PLXDC2: variants seen among roughly 807,000 people sequenced by gnomAD.
The protein encoded by PLXDC2 is plexin domain-containing protein 2.
In PLXDC2, 40 loss-of-function variants were observed where a neutral mutation model predicts 68.9. That is an observed-to-expected ratio of 0.58 (90% CI 0.45 to 0.76). The LOEUF (loss-of-function observed/expected upper bound fraction) is 0.76. PLXDC2 is among the 30% of genes least tolerant of loss of function. The pLI is 0.00. For missense variants in PLXDC2, 644 were observed against 661.9 expected, an observed-to-expected ratio of 0.97 and a Z score of 0.30; for synonymous variants, 243 against 234.2, an observed-to-expected ratio of 1.04 and a Z score of -0.34.
At chr10:20,252,240 C>T (rs1369541251) in intron 13 of PLXDC2, among the ~76,000 whole-genome samples, 1 of 152,100 alleles carries the variant, frequency 6.6e-6, no homozygotes, top group Non-Finnish European at 1.5e-5. Flanking sequence ...GACTTCTGAG[C>T]TCTTAAAATC....
chr10:20,143,378 A>G lies in PLXDC2; in HGVS notation c.625A>G (p.Ser209Gly). The part of the protein sequence containing the change: ...IAPLMANFDP[S>G]VSRNSTVRYF... ...ACCTTTAATGGCAAATTTCGATCCCAGTGTATCCAGAAATTCAACTGTCAG... is the reference window on the plus strand; with the variant it reads ...ACCTTTAATGGCAAATTTCGATCCCGGTGTATCCAGAAATTCAACTGTCAG... The change falls in exon 5 of 14, where the codon AGT becomes GGT. Residue 209 changes from serine to glycine, a missense_variant. Around this residue, in one of 3 missense-constraint regions of PLXDC2, gnomAD observed 113 missense variants for 167.1 expected, o/e 0.68. Transcript: ENST00000377252. 4 of 1,613,276 alleles carry G rather than the reference A, an allele frequency of 2.5e-6. No individual in the cohort carries two copies. Among genetic ancestry groups the G allele is most frequent in the Non-Finnish European group, 3.4e-6 (4 of 1,179,384 alleles).
chr10:19,915,506 A>T (rs879682557), intron 1 of PLXDC2, among the ~76,000 whole-genome samples: 4 of 152,310 alleles, frequency 2.6e-5, no homozygotes, highest in Non-Finnish European at 4.4e-5. Context: ...ATTTAATTTT[A>T]AAAAATCATG....
chr10:19,903,647 T>C (rs2131369102), intron 1 of PLXDC2, among the ~76,000 whole-genome samples: 1 of 152,042 alleles, frequency 6.6e-6, no homozygotes, highest in South Asian at 2.1e-4. Flanking sequence ...CATTTATCTT[T>C]TATATTTTTG....
intron 1 of PLXDC2, among the ~76,000 whole-genome samples, chr10:19,954,362 T>C (rs773391133): frequency 4.6e-4 from 70 of 152,336 alleles, no homozygotes; most frequent in African/African-American, 1.6e-3. Context: ...GCTAACGTAA[T>C]TGGTAAATGC....
chr10:19,820,523 A>G (rs1008554944), intron 1 of PLXDC2, among the ~76,000 whole-genome samples: 3 of 151,484 alleles, frequency 2.0e-5, no homozygotes, highest in Non-Finnish European at 4.4e-5. Flanking sequence ...AGTCCCAGCT[A>G]CTCGGGAGGC....
intron 1 of PLXDC2, among the ~76,000 whole-genome samples, chr10:19,929,735 A>G (rs1245615762): frequency 6.6e-6 from 1 of 152,270 alleles, no homozygotes; most frequent in Non-Finnish European, 1.5e-5. Flanking sequence ...ACTCTGAAAT[A>G]TAACCACTGA....
chr10:20,039,004 G>A (rs960510884), intron 2 of PLXDC2, among the ~76,000 whole-genome samples: 1 of 152,136 alleles, frequency 6.6e-6, no homozygotes, highest in Non-Finnish European at 1.5e-5. Flanking sequence ...TCTATGTGCA[G>A]GAAAGGCCAC....
chr10:20,106,890 G>T (rs1833498243), intron 4 of PLXDC2, among the ~76,000 whole-genome samples: 1 of 151,352 alleles, frequency 6.6e-6, no homozygotes, highest in South Asian at 2.1e-4. Context: ...CTATATCGTG[G>T]ATGCATATTA....
chr10:20,219,238 G>A (rs1320510905), intron 12 of PLXDC2, 136 bp downstream of exon 12: 1 of 914,408 alleles, frequency 1.1e-6, no homozygotes, highest in South Asian at 1.9e-5. Context: ...GATTTAACAT[G>A]GGAAGGAGTC....
At chr10:20,133,771 T>A (rs1833899539) in intron 4 of PLXDC2, among the ~76,000 whole-genome samples, 1 of 152,190 alleles carries the variant, frequency 6.6e-6, no homozygotes, top group Non-Finnish European at 1.5e-5. Flanking sequence ...AGTTTTCTGT[T>A]ATTGTTTATG....
chr10:19,941,959 C>A (rs1331212208), intron 1 of PLXDC2, among the ~76,000 whole-genome samples: 1 of 149,624 alleles, frequency 6.7e-6, no homozygotes, highest in African/African-American at 2.5e-5. Context: ...TTGTTTCCAG[C>A]CTTTGACATT....
At chr10:20,267,946 G>A (rs1835892134) in intron 13 of PLXDC2, among the ~76,000 whole-genome samples, 1 of 151,726 alleles carries the variant, frequency 6.6e-6, no homozygotes, top group Non-Finnish European at 1.5e-5. Context: ...CTTATCACAG[G>A]ATGAATGCAG....
intron 1 of PLXDC2, among the ~76,000 whole-genome samples, chr10:19,952,921 T>A (rs1834013169): frequency 6.6e-6 from 1 of 151,942 alleles, no homozygotes; most frequent in African/African-American, 2.4e-5. Flanking sequence ...TTTTTTTTTG[T>A]TTTGATGATC....
chr10:20,138,683 C>T lies in PLXDC2; in HGVS notation c.542-4612C>T, dbSNP rs181772197. 3.9e-4 allele frequency among the ~76,000 whole-genome samples: 60 copies of T among 152,232 alleles called. No homozygotes were observed. In the East Asian group the frequency reaches 7.0e-3, roughly 18 times the overall value. Reference sequence around the variant, plus strand: ...ATCCCAGCACTTTGGGAGGCCAAGGCGGGTGGATCACTTGAGACCAGGAGT... The same window carrying T: ...ATCCCAGCACTTTGGGAGGCCAAGGTGGGTGGATCACTTGAGACCAGGAGT... On this transcript the variant is annotated intron_variant, in intron 4 of 13. Coordinates refer to ENST00000377252, the MANE Select transcript of PLXDC2 (RefSeq NM_032812.9).
At chr10:19,827,058 G>A (rs117231640) in intron 1 of PLXDC2, among the ~76,000 whole-genome samples, 1 of 152,186 alleles carries the variant, frequency 6.6e-6, no homozygotes, top group Non-Finnish European at 1.5e-5. Context: ...GTGAGGGTAG[G>A]AACATCCTTG....
At chr10:20,199,676 T>C (rs999606488) in intron 9 of PLXDC2, among the ~76,000 whole-genome samples, 5 of 151,976 alleles carry the variant, frequency 3.3e-5, no homozygotes, top group Admixed American at 6.6e-5. Context: ...GATGTAAAGT[T>C]GCATTTAGTA....
At chr10:19,941,206 A>G (rs765784646) in intron 1 of PLXDC2, among the ~76,000 whole-genome samples, 1 of 152,218 alleles carries the variant, frequency 6.6e-6, no homozygotes, top group Non-Finnish European at 1.5e-5. Context: ...CTGGATGTGC[A>G]AAAGGCAGTA....
At chr10:19,872,703 G>A (rs1014727896) in intron 1 of PLXDC2, among the ~76,000 whole-genome samples, 1 of 152,106 alleles carries the variant, frequency 6.6e-6, no homozygotes, top group Non-Finnish European at 1.5e-5. Flanking sequence ...GGCAGAGTTA[G>A]AGACAGGGTG....
chr10:19,920,734 T>G (rs773268584), intron 1 of PLXDC2, among the ~76,000 whole-genome samples: 8 of 152,020 alleles, frequency 5.3e-5, no homozygotes, highest in Non-Finnish European at 1.0e-4. Flanking sequence ...ATTTTTGTAT[T>G]TTTTGTAGAG....
Sources: allele counts gnomAD v4.1 joint callset (sites outside exome capture counted in the v4.1 genomes callset), GRCh38; gene constraint gnomAD v4.1.1; regional missense constraint gnomAD v4.1.1; transcripts MANE v1.5; gene names NCBI Gene and HGNC (gene_info 2026-07-23, HGNC 2026-07-21).